The following FRMD4A variants were observed in gnomAD, a reference collection of about 807,000 sequenced individuals.
The protein encoded by FRMD4A is FERM domain-containing protein 4A.
A neutral mutation model predicts 129.1 loss-of-function variants in FRMD4A; 29 were observed. That is an observed-to-expected ratio of 0.22 (90% CI 0.17 to 0.31). The LOEUF is 0.31. Ranked by LOEUF, FRMD4A falls within the 10% of genes least tolerant of loss-of-function variation. The pLI is 1.00. For missense variants in FRMD4A, 1,272 were observed against 1,375.8 expected (o/e 0.92, Z 1.19); for synonymous variants, 634 against 571.6 (o/e 1.11, Z -1.56).
chr10:13,840,322 G>A (rs906298011), intron 3 of FRMD4A, among the ~76,000 whole-genome samples: 2 of 152,140 alleles, frequency 1.3e-5, no homozygotes, highest in African/African-American at 2.4e-5. Context: ...CAGGGAGAAG[G>A]CGGATGTCCA....
At chr10:13,982,778 C>T (rs899222358) in intron 2 of FRMD4A, among the ~76,000 whole-genome samples, 6 of 152,278 alleles carry the variant, frequency 3.9e-5, no homozygotes, top group Admixed American at 2.6e-4. Flanking sequence ...GCTCCTGTGT[C>T]GCATAAAAGT....
At chr10:14,021,950 G>A (rs927983309) in intron 2 of FRMD4A, among the ~76,000 whole-genome samples, 65 of 149,916 alleles carry the variant, frequency 4.3e-4, no homozygotes, top group South Asian at 1.5e-3. Flanking sequence ...AGATTTCTGC[G>A]TTTTTTTTTG....
At chr10:14,018,022 T>C (rs188583529) in intron 2 of FRMD4A, among the ~76,000 whole-genome samples, 124 of 152,266 alleles carry the variant, frequency 8.1e-4, no homozygotes, top group African/African-American at 2.8e-3. Context: ...TTCTAACTGC[T>C]CTTGCTTGCT....
chr10:14,113,198 G>A (rs1838015705), intron 2 of FRMD4A, among the ~76,000 whole-genome samples: 1 of 152,158 alleles, frequency 6.6e-6, no homozygotes, highest in South Asian at 2.1e-4. Context: ...AAGTTATACA[G>A]TTGACTCTTG....
intron 2 of FRMD4A, among the ~76,000 whole-genome samples, chr10:14,059,732 A>C (rs1019749516): frequency 6.6e-6 from 1 of 152,242 alleles, no homozygotes; most frequent in Non-Finnish European, 1.5e-5. Context: ...CAATAACGGA[A>C]GCTTCTCACG....
chr10:13,923,317 A>C (rs982065976), intron 2 of FRMD4A, among the ~76,000 whole-genome samples: 1 of 152,230 alleles, frequency 6.6e-6, no homozygotes, highest in Admixed American at 6.5e-5. Flanking sequence ...AACAAAACCC[A>C]TGACCGTTAT....
intron 2 of FRMD4A, among the ~76,000 whole-genome samples, chr10:14,036,970 T>C (rs1389687821): frequency 6.6e-6 from 1 of 152,196 alleles, no homozygotes; most frequent in South Asian, 2.1e-4. Flanking sequence ...AGGTAATATA[T>C]GCAGATGATA....
chr10:14,181,247 A>G (rs1841902688), intron 2 of FRMD4A, among the ~76,000 whole-genome samples: 2 of 151,984 alleles, frequency 1.3e-5, no homozygotes, highest in African/African-American at 2.4e-5. Flanking sequence ...GAGTGACATT[A>G]TTTTCCCGTG....
At chr10:14,053,253 A>T (rs1404689495) in intron 2 of FRMD4A, among the ~76,000 whole-genome samples, 1 of 152,100 alleles carries the variant, frequency 6.6e-6, no homozygotes, top group African/African-American at 2.4e-5. Context: ...ATTAGCATAG[A>T]CCCTTGGCAC....
chr10:14,045,396 A>G (rs1169485968), intron 2 of FRMD4A, among the ~76,000 whole-genome samples: 2 of 152,166 alleles, frequency 1.3e-5, no homozygotes, highest in Non-Finnish European at 2.9e-5. Context: ...CCCTAGGTTC[A>G]GCAAGGTGTG....
intron 2 of FRMD4A, among the ~76,000 whole-genome samples, chr10:14,029,253 C>T (rs1056937089): frequency 9.9e-5 from 15 of 152,110 alleles, no homozygotes; most frequent in Middle Eastern, 3.4e-3. Context: ...ATAGAAGTCT[C>T]GGTGGTGGGG....
chr10:13,701,144 C>A (rs1417708600), intron 14 of FRMD4A, among the ~76,000 whole-genome samples, 196 bp downstream of exon 14: 1 of 152,094 alleles, frequency 6.6e-6, no homozygotes, highest in African/African-American at 2.4e-5. Context: ...CCCCCTGGAC[C>A]AAGATGCATG....
chr10:13,910,895 A>G (rs1265157965), intron 2 of FRMD4A, among the ~76,000 whole-genome samples: 36 of 2,560 alleles, frequency 0.014, no homozygotes, highest in African/African-American at 0.029. Flanking sequence ...CATGAAAAAA[A>G]AAAAAAAAAA....
chr10:13,756,622 C>T (rs2091874628), intron 8 of FRMD4A, among the ~76,000 whole-genome samples: 1 of 152,176 alleles, frequency 6.6e-6, no homozygotes, highest in Non-Finnish European at 1.5e-5. Flanking sequence ...GCCTCGGCCT[C>T]CCAAAGTGCT....
At chr10:13,900,687 A>T (rs193085259) in intron 2 of FRMD4A, among the ~76,000 whole-genome samples, 4 of 152,210 alleles carry the variant, frequency 2.6e-5, no homozygotes, top group African/African-American at 9.6e-5. Flanking sequence ...AATTGAGGTC[A>T]GGAGTTTGAG....
intron 2 of FRMD4A, among the ~76,000 whole-genome samples, chr10:14,238,494 AG>A (rs1009895275): frequency 1.3e-4 from 20 of 152,284 alleles, no homozygotes; most frequent in African/African-American, 4.6e-4. Context: ...TTTTTGAGCA[AG>A]AAGCATTTTT....
chr10:13,744,224 G>A (rs1295873721), intron 9 of FRMD4A, among the ~76,000 whole-genome samples: 1 of 152,114 alleles, frequency 6.6e-6, no homozygotes, highest in African/African-American at 2.4e-5. Context: ...AGGCGATAGG[G>A]GTGGTCAGGT....
rs746836676 is a variant in FRMD4A, at chr10:13,657,391, G to A, written c.2198C>T (p.Pro733Leu). The A allele has an allele frequency of 3.7e-6, 6 of 1,612,840 alleles. No homozygotes were observed. In the Admixed American group the frequency reaches 5.0e-5, roughly 13 times the overall value. The change falls in exon 22 of 25, where the codon CCG becomes CTG. Residue 733 changes from proline (P) to leucine (L), a missense_variant. Pro to Leu is a moderately conservative substitution (Grantham distance 98). This residue lies in a region of FRMD4A where 972 missense variants were observed against 892.3 expected (regional missense o/e 1.09). Transcript: ENST00000357447. ...TGAGCCGTTGCTGCTACGAGTCCGC[G>A]GGGTGTAGAAGTCGGGGCTCCCGGT... ...NDTGSPDFYTPRTRSSNGSDP... is the reference protein window; with the variant it reads ...NDTGSPDFYTLRTRSSNGSDP...
At chr10:14,037,571 A>G (rs1833559175) in intron 2 of FRMD4A, among the ~76,000 whole-genome samples, 1 of 152,242 alleles carries the variant, frequency 6.6e-6, no homozygotes. Context: ...TCACTAATTC[A>G]ATGTGAAAAT....
Sources: allele counts gnomAD v4.1 joint callset (sites outside exome capture counted in the v4.1 genomes callset), GRCh38; gene constraint gnomAD v4.1.1; regional missense constraint gnomAD v4.1.1; transcripts MANE v1.5; gene names NCBI Gene and HGNC (gene_info 2026-07-23, HGNC 2026-07-21).